The following PLS1 variants were observed in gnomAD, a reference collection of about 807,000 sequenced individuals.
The protein encoded by PLS1 is plastin 1.
Under a neutral mutation model 73.7 loss-of-function variants are expected in PLS1, and 32 were observed. The ratio of observed to expected loss-of-function variants is 0.43; its 90% CI spans 0.33 to 0.58. The LOEUF (loss-of-function observed/expected upper bound fraction) is 0.58, where lower values mean the gene tolerates loss of function less well. PLS1 is among the 20% of genes least tolerant of loss of function. The pLI is 0.04. For missense variants in PLS1, 633 were observed against 740.5 expected, an observed-to-expected ratio of 0.85 and a Z score of 1.68; for synonymous variants, 217 against 261.3, an observed-to-expected ratio of 0.83 and a Z score of 1.63.
chr3:142,677,784 T>C (rs1299355024), intron 5 of PLS1, among the ~76,000 whole-genome samples: 1 of 152,218 alleles, frequency 6.6e-6, no homozygotes, highest in Non-Finnish European at 1.5e-5. Context: ...AATTATAGTT[T>C]AATTAATTAT....
chr3:142,642,615 A>G (rs2036865917), intron 1 of PLS1, among the ~76,000 whole-genome samples: 1 of 152,200 alleles, frequency 6.6e-6, no homozygotes, highest in African/African-American at 2.4e-5. Context: ...TGTTTCCCAG[A>G]ACATATTATC....
intron 1 of PLS1, among the ~76,000 whole-genome samples, chr3:142,662,127 C>T (rs539580252): frequency 2.1e-4 from 32 of 152,190 alleles, no homozygotes; most frequent in African/African-American, 7.0e-4. Context: ...ATGTTTATTG[C>T]GGCACTGTTC....
At chr3:142,613,163 CA>C (rs941353067) in intron 1 of PLS1, among the ~76,000 whole-genome samples, 1 of 152,122 alleles carries the variant, frequency 6.6e-6, no homozygotes, top group African/African-American at 2.4e-5. Flanking sequence ...GGATCAGATA[CA>C]GTTTACTTTC....
intron 1 of PLS1, among the ~76,000 whole-genome samples, chr3:142,640,331 A>G (rs571831931): frequency 1.2e-4 from 18 of 152,334 alleles, no homozygotes; most frequent in South Asian, 6.2e-4. Flanking sequence ...TTATCAAGCA[A>G]CAACTATGGA....
chr3:142,635,119 G>A (rs1164716206), intron 1 of PLS1, among the ~76,000 whole-genome samples: 1 of 151,892 alleles, frequency 6.6e-6, no homozygotes, highest in African/African-American at 2.4e-5. Flanking sequence ...TTGTGTAATA[G>A]TGCTTGAAGA....
intron 1 of PLS1, among the ~76,000 whole-genome samples, chr3:142,598,513 A>G (rs1030924136): frequency 1.3e-5 from 2 of 152,184 alleles, no homozygotes; most frequent in African/African-American, 4.8e-5. Flanking sequence ...GCGTAAAAAC[A>G]CGGGTCAGTT....
chr3:142,700,317 TTTTA>T (rs370206449), intron 12 of PLS1, among the ~76,000 whole-genome samples: 4 of 150,780 alleles, frequency 2.7e-5, no homozygotes, highest in South Asian at 2.1e-4. Context: ...ATTATTATTA[TTTTA>T]TTTATTTATT....
At chr3:142,600,762 G>A (rs1390387143) in intron 1 of PLS1, among the ~76,000 whole-genome samples, 1 of 150,474 alleles carries the variant, frequency 6.6e-6, no homozygotes, top group African/African-American at 2.4e-5. Context: ...TATTTCCACA[G>A]GCAACGATGG....
At chr3:142,626,059 A>G (rs1324503349) in intron 1 of PLS1, among the ~76,000 whole-genome samples, 4 of 152,182 alleles carry the variant, frequency 2.6e-5, no homozygotes, top group Non-Finnish European at 5.9e-5. Flanking sequence ...CCAGGCTGGG[A>G]TTACAGGCAT....
chr3:142,625,776 C>T (rs1297506331), intron 1 of PLS1, among the ~76,000 whole-genome samples: 1 of 152,062 alleles, frequency 6.6e-6, no homozygotes, highest in East Asian at 1.9e-4. Flanking sequence ...GAGTTCAAAA[C>T]CATCCTGGGC....
chr3:142,618,195 A>G (rs2036249315), intron 1 of PLS1, among the ~76,000 whole-genome samples: 1 of 152,112 alleles, frequency 6.6e-6, no homozygotes, highest in Admixed American at 6.6e-5. Flanking sequence ...ATGTTATTGG[A>G]GGGAAAATTT....
At chr3:142,679,637 C>T (rs1364409520) in intron 6 of PLS1, among the ~76,000 whole-genome samples, 1 of 151,356 alleles carries the variant, frequency 6.6e-6, no homozygotes. Flanking sequence ...ATCTATATCT[C>T]TGTTTTGGTA....
chr3:142,668,768 A>T (rs111645307), intron 2 of PLS1, among the ~76,000 whole-genome samples: 1 of 151,862 alleles, frequency 6.6e-6, no homozygotes, highest in African/African-American at 2.4e-5. Flanking sequence ...TGCCCAGCTA[A>T]TTTTTCCATT....
At chr3:142,609,544 A>C (rs1484250458) in intron 1 of PLS1, among the ~76,000 whole-genome samples, 1 of 152,212 alleles carries the variant, frequency 6.6e-6, no homozygotes, top group African/African-American at 2.4e-5. Flanking sequence ...TAGAAATAAG[A>C]GGGAGCACAT....
chr3:142,653,833 C>G (rs1226459903), intron 1 of PLS1, among the ~76,000 whole-genome samples: 2 of 152,086 alleles, frequency 1.3e-5, no homozygotes, highest in Non-Finnish European at 2.9e-5. Flanking sequence ...TAAGATTGTA[C>G]TATTTACAAA....
chr3:142,678,908 G>A (rs1445077400), intron 6 of PLS1, among the ~76,000 whole-genome samples: 43 of 151,726 alleles, frequency 2.8e-4, no homozygotes, highest in East Asian at 9.7e-4. Context: ...AAGTGTTCCT[G>A]TTTCTCCACA....
intron 8 of PLS1, among the ~76,000 whole-genome samples, chr3:142,685,616 A>G (rs2107895423): frequency 6.6e-6 from 1 of 152,348 alleles, no homozygotes; most frequent in African/African-American, 2.4e-5. Context: ...TCCTCACAGC[A>G]TGATAGTCTC....
At chr3:142,676,640 A>G (rs1335634277) in intron 5 of PLS1, among the ~76,000 whole-genome samples, 2 of 152,192 alleles carry the variant, frequency 1.3e-5, no homozygotes, top group Non-Finnish European at 2.9e-5. Context: ...GGACATGAGG[A>G]AATGTAAAGG....
At chr3:142,686,856 A>G (rs186935923) in intron 9 of PLS1, among the ~76,000 whole-genome samples, 5 of 152,276 alleles carry the variant, frequency 3.3e-5, no homozygotes, top group Admixed American at 3.3e-4. Context: ...TCCTACATTC[A>G]TGTTTCCCTG....
Sources: gnomAD v4.1 joint callset for allele counts (sites outside exome capture counted in the v4.1 genomes callset) on GRCh38, gnomAD v4.1.1 for gene constraint, MANE v1.5 for transcripts, NCBI Gene and HGNC (gene_info 2026-07-23, HGNC 2026-07-21) for gene names.